Variants in CNTN6 observed in about 807,000 individuals in gnomAD.
The protein encoded by CNTN6 is contactin-6.
CNTN6 carries 137 observed loss-of-function variants against 122.8 expected under a neutral mutation model. The ratio of observed to expected loss-of-function variants is 1.12; its 90% CI spans 0.97 to 1.29. The LOEUF (loss-of-function observed/expected upper bound fraction) is 1.29. Among genes scored for constraint, CNTN6 ranks in the 50% most tolerant of loss-of-function variants. The pLI is 0.00. For synonymous variants in CNTN6, 570 were observed against 426.0 expected (o/e 1.34, Z -4.16); for missense variants, 1,634 against 1,223.4 (o/e 1.34, Z -5.01).
intron 17 of CNTN6, among the ~76,000 whole-genome samples, chr3:1,378,142 C>G (rs781323622): frequency 7.2e-5 from 11 of 152,058 alleles, no homozygotes; most frequent in Non-Finnish European, 1.3e-4. Context: ...CATGGATGAC[C>G]CACTTGCATG....
At chr3:1,371,910 A>ATG (rs778849752) in intron 12 of CNTN6, among the ~76,000 whole-genome samples, 3 of 152,140 alleles carry the variant, frequency 2.0e-5, no homozygotes, top group Non-Finnish European at 2.9e-5. Context: ...GGTTTGTCTC[A>ATG]TGGTATATGA....
At chr3:1,327,781 G>GA (rs1701746733) in intron 10 of CNTN6, among the ~76,000 whole-genome samples, 195 bp downstream of exon 10, 1 of 151,658 alleles carries the variant, frequency 6.6e-6, no homozygotes, top group Admixed American at 6.6e-5. Context: ...TGGGGCTTCA[G>GA]AAAAAAACCC....
intron 4 of CNTN6, among the ~76,000 whole-genome samples, chr3:1,234,302 A>G (rs928916081): frequency 2.6e-5 from 4 of 152,236 alleles, no homozygotes; most frequent in Non-Finnish European, 5.9e-5. Context: ...CGTAACATAA[A>G]GGTCTTTGAC....
At chr3:1,384,772 C>CACATATATATATATATATAT (rs1446440614) in intron 19 of CNTN6, among the ~76,000 whole-genome samples, 1 of 120,922 alleles carries the variant, frequency 8.3e-6, no homozygotes, top group East Asian at 2.3e-4. Flanking sequence ...TATATATACA[C>CACATATATATATATATATAT]ATATATATAT....
At chr3:1,289,215 T>C (rs1694870646) in intron 5 of CNTN6, among the ~76,000 whole-genome samples, 1 of 152,152 alleles carries the variant, frequency 6.6e-6, no homozygotes, top group South Asian at 2.1e-4. Context: ...ATACACAGAT[T>C]AAGCACAGCA....
At chr3:1,178,411 T>G (rs909437939) in intron 2 of CNTN6, among the ~76,000 whole-genome samples, 1 of 152,190 alleles carries the variant, frequency 6.6e-6, no homozygotes, top group Non-Finnish European at 1.5e-5. Flanking sequence ...TGTTTTCCAT[T>G]CCTAGATTTC....
chr3:1,370,237 A>G (rs985299682), intron 12 of CNTN6, among the ~76,000 whole-genome samples: 1 of 150,930 alleles, frequency 6.6e-6, no homozygotes, highest in African/African-American at 2.4e-5. Context: ...TTTTTTTTTA[A>G]TTTTATTATT....
At chr3:1,327,407 G>T in intron 9 of CNTN6, 50 bp from the exon 10 acceptor site, 1 of 1,558,828 alleles carries the variant, frequency 6.4e-7, no homozygotes, top group Non-Finnish European at 8.8e-7. Flanking sequence ...CTGGTTAAGA[G>T]AATGCTATAT....
At chr3:1,174,753 A>G (rs770710154) in intron 2 of CNTN6, among the ~76,000 whole-genome samples, 7 of 152,182 alleles carry the variant, frequency 4.6e-5, no homozygotes, top group East Asian at 1.9e-4. Flanking sequence ...GAAGAACCCA[A>G]TGAATAATAA....
At chr3:1,123,786 G>A (rs2092052773) in intron 1 of CNTN6, among the ~76,000 whole-genome samples, 1 of 151,980 alleles carries the variant, frequency 6.6e-6, no homozygotes, top group African/African-American at 2.4e-5. Flanking sequence ...ACAGATGTCA[G>A]TCTTTTACCA....
intron 4 of CNTN6, among the ~76,000 whole-genome samples, chr3:1,237,171 C>T (rs1295269771): frequency 6.6e-6 from 1 of 151,854 alleles, no homozygotes; most frequent in East Asian, 1.9e-4. Context: ...GAAAATTCTT[C>T]AGTGAAATAG....
At chr3:1,321,949 T>C in intron 8 of CNTN6, 115 bp downstream of exon 8, 1 of 876,594 alleles carries the variant, frequency 1.1e-6, no homozygotes, top group Middle Eastern at 3.4e-4. Flanking sequence ...AAGGAAGGCA[T>C]ATTTCCGGGT....
At chr3:1,311,181 CTT>C (rs1699178679) in intron 7 of CNTN6, among the ~76,000 whole-genome samples, 3 of 147,614 alleles carry the variant, frequency 2.0e-5, no homozygotes, top group Non-Finnish European at 3.0e-5. Context: ...TATAAAATGT[CTT>C]TATATATATA....
chr3:1,267,594 G>C (rs1245334153), intron 4 of CNTN6, among the ~76,000 whole-genome samples: 1 of 152,062 alleles, frequency 6.6e-6, no homozygotes, highest in Admixed American at 6.5e-5. Flanking sequence ...CTTGATATTG[G>C]AGAAAAATTG....
chr3:1,359,754 T>G (rs999095284), intron 12 of CNTN6, among the ~76,000 whole-genome samples: 1 of 152,104 alleles, frequency 6.6e-6, no homozygotes, highest in Non-Finnish European at 1.5e-5. Context: ...AAACAACTCC[T>G]TTATTTCTGG....
intron 4 of CNTN6, among the ~76,000 whole-genome samples, chr3:1,263,629 T>G (rs1283717035): frequency 3.3e-5 from 5 of 152,196 alleles, no homozygotes; most frequent in Non-Finnish European, 5.9e-5. Context: ...AGACTATGTT[T>G]GTAGTATTTT....
chr3:1,131,890 A>G (rs558327869), intron 1 of CNTN6, among the ~76,000 whole-genome samples: 1 of 152,200 alleles, frequency 6.6e-6, no homozygotes, highest in South Asian at 2.1e-4. Flanking sequence ...TATCATTGGC[A>G]TTCATGAGAA....
chr3:1,309,155 AT>A (rs34800719), intron 7 of CNTN6, among the ~76,000 whole-genome samples: 36,148 of 151,818 alleles, frequency 0.24, 5,896 homozygotes, highest in African/African-American at 0.47. Context: ...CAGGTTATCA[AT>A]TTTTTTTCCA....
chr3:1,137,664 G>T (rs1329046679), intron 1 of CNTN6, among the ~76,000 whole-genome samples: 1 of 152,126 alleles, frequency 6.6e-6, no homozygotes, highest in Non-Finnish European at 1.5e-5. Flanking sequence ...CAAACTCACT[G>T]AATTCTCTTA....
Sources: allele counts gnomAD v4.1 joint callset (sites outside exome capture counted in the v4.1 genomes callset), GRCh38; gene constraint gnomAD v4.1.1; transcripts MANE v1.5; gene names NCBI Gene and HGNC (gene_info 2026-07-23, HGNC 2026-07-21).